Variants in KPNA1 observed in about 807,000 individuals in gnomAD.
KPNA1 encodes importin subunit alpha-5.
A neutral mutation model predicts 70.5 loss-of-function variants in KPNA1; 10 were observed. That is an observed-to-expected ratio of 0.14 (90% CI 0.09 to 0.24). KPNA1 has a LOEUF of 0.24. KPNA1 is among the 10% of genes least tolerant of loss of function. The probability of loss-of-function intolerance (pLI) is 1.00; values close to 1 mark genes in which losing one functional copy is unlikely to be tolerated. For missense variants in KPNA1, 397 were observed against 637.9 expected (o/e 0.62, Z 4.07); for synonymous variants, 192 against 221.9 (o/e 0.87, Z 1.20).
chr3:122,489,066 G>GTGTGTA (rs2076665508), intron 2 of KPNA1, among the ~76,000 whole-genome samples: 1 of 147,772 alleles, frequency 6.8e-6, no homozygotes, highest in Non-Finnish European at 1.5e-5. Context: ...GCGTGTGTGT[G>GTGTGTA]TGTGTGTGTG....
At position 122,467,367 on chromosome 3, in the gene KPNA1, A is replaced by C. The variant is rs1216337317; in HGVS notation, c.192T>G (p.Asp64Glu). ...EEETEEEVMS[D>E]GGFHEAQISN... is the part of the protein sequence containing the mutation. ...TAATCTGAGCCTCATGAAAGCCTCC[A>C]TCTGACATAACTTCTTCTTCTGTTT... The change falls in exon 3 of 14, where the codon GAT becomes GAG. Residue 64 changes from aspartate to glutamate, a missense_variant. Asp to Glu is a conservative substitution (Grantham distance 45, BLOSUM62 2). Coordinates refer to ENST00000344337, the MANE Select transcript of KPNA1 (RefSeq NM_002264.4). The C allele has an allele frequency of 6.2e-7, 1 of 1,609,968 alleles. No homozygotes were observed. The highest frequency in any genetic ancestry group is 8.5e-7 in the Non-Finnish European group (1 of 1,177,128).
chr3:122,513,884 G>C (rs1418973453), intron 1 of KPNA1, among the ~76,000 whole-genome samples: 1 of 152,160 alleles, frequency 6.6e-6, no homozygotes, highest in Non-Finnish European at 1.5e-5. Context: ...GGGCAATATA[G>C]CGAGACCCCA....
At chr3:122,436,356 G>C (rs1221489688) in intron 11 of KPNA1, among the ~76,000 whole-genome samples, 1 of 152,180 alleles carries the variant, frequency 6.6e-6, no homozygotes, top group Non-Finnish European at 1.5e-5. Context: ...TTATTGCCTT[G>C]TGAAGTATGT....
Position 122,442,025 on chromosome 3 carries a change from C to A in KPNA1, c.996+13G>T, listed in dbSNP as rs1181394765. ...TTTTTAAAGGACAAAAAAAAGTTAC[C>A]ACTTCTTCATACCTGTGTCTGAATA... On this transcript the variant is annotated intron_variant, in intron 10 of 13. Transcript: ENST00000344337. 1 of 1,597,372 alleles carries A rather than the reference C, an allele frequency of 6.3e-7. No individual in the cohort carries two copies. Among genetic ancestry groups the A allele is most frequent in the African/African-American group, 1.3e-5 (1 of 74,400 alleles).
intron 3 of KPNA1, 177 bp from the exon 4 acceptor site, chr3:122,464,218 C>G (rs1206493065): frequency 7.5e-6 from 3 of 399,742 alleles, no homozygotes; most frequent in African/African-American, 2.1e-5. Context: ...TATAATGAAG[C>G]CAAATTCTTT....
At chr3:122,510,894 G>A (rs1201991633) in intron 1 of KPNA1, among the ~76,000 whole-genome samples, 1 of 151,978 alleles carries the variant, frequency 6.6e-6, no homozygotes, top group Non-Finnish European at 1.5e-5. Context: ...ACAATCTCAC[G>A]ACGGTTATAT....
intron 2 of KPNA1, among the ~76,000 whole-genome samples, chr3:122,468,852 G>A (rs1489034218): frequency 1.3e-5 from 2 of 152,116 alleles, no homozygotes; most frequent in Non-Finnish European, 1.5e-5. Flanking sequence ...ACACAGCTAA[G>A]GAAATAATCT....
intron 2 of KPNA1, among the ~76,000 whole-genome samples, chr3:122,473,110 A>G (rs894313951): frequency 6.6e-6 from 1 of 152,098 alleles, no homozygotes; most frequent in Non-Finnish European, 1.5e-5. Flanking sequence ...GAATACTATG[A>G]ACAATTCTAT....
chr3:122,448,394 C>G (rs1220025782), intron 9 of KPNA1, among the ~76,000 whole-genome samples: 2 of 152,070 alleles, frequency 1.3e-5, no homozygotes, highest in South Asian at 2.1e-4. Context: ...ACATATACAC[C>G]ACGGAATACT....
At chr3:122,432,217 T>C (rs1447190533) in intron 12 of KPNA1, among the ~76,000 whole-genome samples, 1 of 152,240 alleles carries the variant, frequency 6.6e-6, no homozygotes, top group African/African-American at 2.4e-5. Flanking sequence ...TCATTATTTT[T>C]ACCATCTGGT....
At chr3:122,501,545 T>A (rs958333312) in intron 1 of KPNA1, among the ~76,000 whole-genome samples, 2 of 152,230 alleles carry the variant, frequency 1.3e-5, no homozygotes, top group African/African-American at 4.8e-5. Context: ...CTGTTACTGA[T>A]CTAATTTCTT....
At chr3:122,438,445 G>A (rs775797229) in intron 10 of KPNA1, among the ~76,000 whole-genome samples, 37 of 151,008 alleles carry the variant, frequency 2.5e-4, no homozygotes, top group Non-Finnish European at 4.7e-4. Flanking sequence ...GGAGCGCAAT[G>A]GCACAATCTC....
At chr3:122,459,096 G>T (rs943678884) in intron 5 of KPNA1, among the ~76,000 whole-genome samples, 1 of 152,118 alleles carries the variant, frequency 6.6e-6, no homozygotes, top group Non-Finnish European at 1.5e-5. Context: ...ATTTCTGAAG[G>T]CTTTCATCTT....
In KPNA1 at chr3:122,478,286, G is replaced by A. The variant is rs146439700; in HGVS notation, c.130-10857C>T. Among the ~76,000 whole-genome samples the A allele has an allele frequency of 1.2e-4, 18 of 151,932 alleles. No individual in the cohort carries two copies. In the East Asian group the frequency reaches 2.3e-3, roughly 20 times the overall value. On this transcript the variant is annotated intron_variant, in intron 2 of 13. Coordinates refer to ENST00000344337, the MANE Select transcript of KPNA1 (RefSeq NM_002264.4). ...CTAAACCACAGGTCTTACATCCTTC[G>A]TTCACAAAAATTAACCCAAAAGGAA...
At chr3:122,491,728 G>C (rs1449358424) in intron 2 of KPNA1, among the ~76,000 whole-genome samples, 2 of 151,614 alleles carry the variant, frequency 1.3e-5, no homozygotes, top group African/African-American at 4.8e-5. Flanking sequence ...ATCCCAAAAA[G>C]GTAATAGAGG....
chr3:122,491,136 A>C (rs1286204902), intron 2 of KPNA1, among the ~76,000 whole-genome samples: 1 of 152,192 alleles, frequency 6.6e-6, no homozygotes, highest in African/African-American at 2.4e-5. Context: ...CTTCTTTTTG[A>C]GGATTTCTTC....
At chr3:122,436,871 C>T (rs376573518) in intron 11 of KPNA1, among the ~76,000 whole-genome samples, 4 of 152,168 alleles carry the variant, frequency 2.6e-5, no homozygotes, top group Non-Finnish European at 4.4e-5. Context: ...TCTACCTCCA[C>T]GGTTCAAGTA....
intron 2 of KPNA1, among the ~76,000 whole-genome samples, chr3:122,489,781 C>T (rs182168560): frequency 1.4e-4 from 22 of 152,302 alleles, no homozygotes; most frequent in Admixed American, 1.2e-3. Context: ...AATTTTACCT[C>T]GTGTACTGGA....
intron 2 of KPNA1, among the ~76,000 whole-genome samples, chr3:122,486,593 CTT>C (rs200913665): frequency 6.8e-6 from 1 of 146,962 alleles, no homozygotes; most frequent in Non-Finnish European, 1.5e-5. Flanking sequence ...TCTGTGCATT[CTT>C]TTTTTTTTTT....
Sources: gnomAD v4.1 joint callset for allele counts (sites outside exome capture counted in the v4.1 genomes callset) on GRCh38, gnomAD v4.1.1 for gene constraint, MANE v1.5 for transcripts, NCBI Gene and HGNC (gene_info 2026-07-23, HGNC 2026-07-21) for gene names.